Variants in CMAS observed in about 807,000 individuals in gnomAD.
The protein encoded by CMAS is cytidine monophosphate N-acetylneuraminic acid synthetase.
A neutral mutation model predicts 53.4 loss-of-function variants in CMAS; 21 were observed. The ratio of observed to expected loss-of-function variants is 0.39; its 90% confidence interval spans 0.28 to 0.57. The LOEUF (loss-of-function observed/expected upper bound fraction) is 0.57, where lower values mean the gene tolerates loss of function less well. Among genes scored for constraint, CMAS ranks in the 20% least tolerant of loss-of-function variants. The pLI is 0.56. For synonymous variants in CMAS, 189 were observed against 195.2 expected, an observed-to-expected ratio of 0.97 and a Z score of 0.27; for missense variants, 384 against 534.9, an observed-to-expected ratio of 0.72 and a Z score of 2.78.
chr12:22,061,058 A>C (rs1950305939), intron 5 of CMAS, 132 bp downstream of exon 5: 1 of 703,354 alleles, frequency 1.4e-6, no homozygotes, highest in African/African-American at 1.8e-5. Flanking sequence ...GACATGTAAA[A>C]TATGTGTTTA....
intron 1 of CMAS, 91 bp downstream of exon 1, chr12:22,046,654 C>G (rs538123718): frequency 2.2e-6 from 3 of 1,352,282 alleles, no homozygotes; most frequent in East Asian, 5.7e-5. Flanking sequence ...CCGGGGCCAC[C>G]GCTCTTGGAA....
At chr12:22,049,644 G>A (rs1414860865) in intron 1 of CMAS, among the ~76,000 whole-genome samples, 1 of 152,166 alleles carries the variant, frequency 6.6e-6, no homozygotes. Context: ...AATTGGCTGG[G>A]CTCACACTTG....
intron 7 of CMAS, 107 bp downstream of exon 7, chr12:22,062,541 G>GAAAT (rs1335940336): frequency 5.3e-6 from 6 of 1,132,416 alleles, no homozygotes; most frequent in Non-Finnish European, 6.4e-6. Flanking sequence ...TGATTGTAGG[G>GAAAT]AAATAGGAAC....
chr12:22,063,207 A>G (rs1950320043), intron 7 of CMAS, among the ~76,000 whole-genome samples: 1 of 152,326 alleles, frequency 6.6e-6, no homozygotes, highest in East Asian at 1.9e-4. Flanking sequence ...ACTATAAATC[A>G]TGTATGAAAG....
chr12:22,065,182 TGCCTGTTCTACTGCCCAGAAG>T lies in CMAS; in HGVS notation c.1179_1199del (p.Cys394_Ala400del). On this transcript the variant is annotated inframe_deletion, in exon 8 of 8. Coordinates refer to ENST00000229329, the MANE Select transcript of CMAS (RefSeq NM_018686.6). ...TGGGCCTAAGTGGCGCTCCTGCTGA[TGCCTGTTCTACTGCCCAGAAG>T]GCTGTTGGATACATTTGCAAATGTA... 1 of 1,614,172 alleles carries T rather than the reference TGCCTGTTCTACTGCCCAGAAG, an allele frequency of 6.2e-7. No individual in the cohort carries two copies. Among genetic ancestry groups the T allele is most frequent in the Non-Finnish European group, 8.5e-7 (1 of 1,180,000 alleles).
rs992978012 is a variant in CMAS, at chr12:22,046,239, G to A, written c.-65G>A. 1.5e-6 allele frequency: 2 copies of A among 1,374,042 alleles called. No individual in the cohort carries two copies. The highest frequency in any genetic ancestry group is 1.6e-5 in the South Asian group (1 of 60,702). The allele number at this position is 1,374,042 out of a possible 1,614,324, so 85.1% of individuals were successfully genotyped here. ...TGCCAGGCGGGGATCGGGCGGCGCC[G>A]AGCTGAGGTGGTGAGGGACTAGCTC... is the stretch of plus-strand genomic sequence containing the variant. On this transcript the variant is annotated 5_prime_UTR_variant, in exon 1 of 8. Coordinates refer to ENST00000229329, the MANE Select transcript of CMAS (RefSeq NM_018686.6).
At chr12:22,059,502 A>G (rs1032889290) in intron 4 of CMAS, among the ~76,000 whole-genome samples, 12 of 152,312 alleles carry the variant, frequency 7.9e-5, no homozygotes, top group African/African-American at 2.6e-4. Context: ...CAGCTAATAA[A>G]TGGTACTGTC....
In CMAS at chr12:22,046,527, T is replaced by C. The variant is rs773687141; in HGVS notation, c.224T>C (p.Val75Ala). ...HLAGVPLIGW[V>A]LRAALDSGAF... is the part of the protein sequence containing the mutation. ...GCGGGGGTCCCGCTCATTGGCTGGG[T>C]CCTGCGTGCGGCCCTGGATTCAGGG... The change falls in exon 1 of 8, where the codon GTC becomes GCC. Residue 75 changes from valine (V) to alanine (A), a missense_variant. Coordinates refer to ENST00000229329, the MANE Select transcript of CMAS (RefSeq NM_018686.6). The C allele has an allele frequency of 6.2e-7, 1 of 1,601,818 alleles. No homozygotes were observed. The highest frequency in any genetic ancestry group is 1.3e-5 in the African/African-American group (1 of 74,180).
Position 22,046,427 on chromosome 12 carries a change from C to G in CMAS, c.124C>G (p.Pro42Ala), listed in dbSNP as rs762211771. Residue 42 changes from proline (P) to alanine (A), a missense_variant, in exon 1 of 8, where the codon CCC becomes GCC. This residue lies in a region of CMAS where 111 missense variants were observed against 132.2 expected (regional missense o/e 0.84). Transcript: ENST00000229329. The stretch of plus-strand genomic sequence containing the variant: ...CGGCCAGGGCCGAGGTGTGGAGAAG[C>G]CCCCGCACCTGGCAGCCCTAATTCT... The part of the protein sequence containing the change: ...RGGQGRGVEK[P>A]PHLAALILAR... The G allele has an allele frequency of 1.9e-6, 3 of 1,606,464 alleles. No individual in the cohort carries two copies. The highest frequency in any genetic ancestry group is 2.2e-5 in the East Asian group (1 of 44,486).
chr12:22,049,297 A>G (rs928354376), intron 1 of CMAS, among the ~76,000 whole-genome samples: 5 of 152,166 alleles, frequency 3.3e-5, no homozygotes, highest in Non-Finnish European at 5.9e-5. Flanking sequence ...TCAAGAGGAA[A>G]ATTGGAGTAC....
At chr12:22,053,547 C>G in intron 1 of CMAS, among the ~76,000 whole-genome samples, 1 of 149,816 alleles carries the variant, frequency 6.7e-6, no homozygotes, top group Middle Eastern at 3.2e-3. Flanking sequence ...ACACCAAAGA[C>G]TATAAGTCAT....
chr12:22,059,936 C>T (rs1950297154), intron 4 of CMAS, among the ~76,000 whole-genome samples: 1 of 152,092 alleles, frequency 6.6e-6, no homozygotes, highest in Non-Finnish European at 1.5e-5. Flanking sequence ...CTTGCTGACC[C>T]TTGCCTAGAA....
intron 7 of CMAS, among the ~76,000 whole-genome samples, chr12:22,063,078 T>C (rs983065994): frequency 6.6e-6 from 1 of 152,224 alleles, no homozygotes; most frequent in Non-Finnish European, 1.5e-5. Flanking sequence ...ACTTACCAGG[T>C]ACCTATGATG....
chr12:22,061,129 A>G (rs1372815670), intron 5 of CMAS, 152 bp from the exon 6 acceptor site: 3 of 682,886 alleles, frequency 4.4e-6, no homozygotes, highest in Non-Finnish European at 7.6e-6. Flanking sequence ...TACTTACTGT[A>G]CTATATGTTA....
Position 22,065,593 on chromosome 12 carries a change from GATTTT to G in CMAS, c.*287_*291del, listed in dbSNP as rs2138193218. 4.1e-6 allele frequency: 1 copy of G among 242,140 alleles called. No homozygotes were observed. The highest frequency in any genetic ancestry group is 7.8e-5 in the East Asian group (1 of 12,780). The allele number at this position is 242,140 out of a possible 1,614,324, so 15.0% of individuals were successfully genotyped here. On this transcript the variant is annotated 3_prime_UTR_variant, in exon 8 of 8. Coordinates refer to ENST00000229329, the MANE Select transcript of CMAS (RefSeq NM_018686.6). ...GTTTGTGTGCTTTCAAAGATGTTGG[GATTTT>G]ATTTATCTGGGGACAGTGTGTATGG...
chr12:22,065,287 G>A lies in CMAS; in HGVS notation c.1281G>A (p.Lys427=). Residue 427 remains lysine (K), a synonymous_variant, in exon 8 of 8, where the codon AAG becomes AAA. Coordinates refer to ENST00000229329, the MANE Select transcript of CMAS (RefSeq NM_018686.6). ...FAEHICLLME[K]VNNSCQK ...AGCACATTTGCCTACTAATGGAAAA[G>A]GTTAATAATTCATGCCAAAAATAGA... is the stretch of plus-strand genomic sequence containing the variant. The A allele has an allele frequency of 6.2e-7, 1 of 1,610,464 alleles. No individual in the cohort carries two copies. The highest frequency in any genetic ancestry group is 8.5e-7 in the Non-Finnish European group (1 of 1,177,278).
At chr12:22,046,955 C>T (rs1414218075) in intron 1 of CMAS, among the ~76,000 whole-genome samples, 1 of 152,128 alleles carries the variant, frequency 6.6e-6, no homozygotes, top group African/African-American at 2.4e-5. Context: ...TCGAAGCTCC[C>T]CTGTTGCTCA....
chr12:22,063,509 G>A (rs1161691510), intron 7 of CMAS, among the ~76,000 whole-genome samples: 1 of 151,916 alleles, frequency 6.6e-6, no homozygotes, highest in African/African-American at 2.4e-5. Flanking sequence ...ATTTTATAAA[G>A]CCATTAGAAA....
intron 4 of CMAS, among the ~76,000 whole-genome samples, chr12:22,058,957 T>G (rs1005077861): frequency 2.0e-5 from 3 of 152,054 alleles, no homozygotes; most frequent in African/African-American, 7.2e-5. Context: ...ACTGGGTGTC[T>G]ACACATGTCC....
Sources: gnomAD v4.1 joint callset for allele counts (sites outside exome capture counted in the v4.1 genomes callset) on GRCh38, gnomAD v4.1.1 for gene constraint, gnomAD v4.1.1 regional missense constraint, MANE v1.5 for transcripts, NCBI Gene and HGNC (gene_info 2026-07-23, HGNC 2026-07-21) for gene names.